Variants in RNF216 observed in about 807,000 individuals in gnomAD.
The protein encoded by RNF216 is ring finger protein 216.
In RNF216, 72 loss-of-function variants were observed where a neutral mutation model predicts 110.8. That is an observed-to-expected ratio of 0.65 (90% CI 0.54 to 0.79). The LOEUF is 0.79. Among genes scored for constraint, RNF216 ranks in the 30% least tolerant of loss-of-function variants. RNF216 has a pLI of 0.00. For synonymous variants in RNF216, 495 were observed against 407.5 expected, an observed-to-expected ratio of 1.21 and a Z score of -2.59; for missense variants, 1,342 against 1,141.2, an observed-to-expected ratio of 1.18 and a Z score of -2.54.
Position 5,620,227 on chromosome 7 carries a change from TCA to T in RNF216, c.*2631_*2632del, listed in dbSNP as rs1345123142. The T allele has an allele frequency of 2.0e-5, 3 of 152,260 alleles. No homozygotes were observed. The highest frequency in any genetic ancestry group is 1.9e-4 in the East Asian group (1 of 5,202). 9.4% of individuals were successfully genotyped at this position (152,260 alleles called of 1,614,324 possible). ...AAGTGACAGATCATGCACATTTTTT[TCA>T]GTTTTTAAATATTTTGCTAAGTGCA... is the stretch of plus-strand genomic sequence containing the variant. On this transcript the variant is annotated 3_prime_UTR_variant, in exon 17 of 17. Transcript: ENST00000389902.
chr7:5,735,960 G>A (rs1794371569), intron 5 of RNF216, among the ~76,000 whole-genome samples: 1 of 152,174 alleles, frequency 6.6e-6, no homozygotes, highest in South Asian at 2.1e-4. Flanking sequence ...AGACATGATG[G>A]CGCATGCCTG....
chr7:5,623,086 A>C lies in RNF216; in HGVS notation c.2546T>G (p.Leu849Arg), dbSNP rs1430421613. Residue 849 changes from leucine to arginine, a missense_variant, in exon 17 of 17, where the codon CTG becomes CGG. Coordinates refer to ENST00000389902, the MANE Select transcript of RNF216 (RefSeq NM_207111.4). ...EALPRPVPQN[L>R]PQPQMPPYAF... ...ATAGGGTGGCATCTGTGGCTGTGGC[A>C]GGTTCTGCGGAACGGGCCTCGGGAG... 6.2e-7 allele frequency: 1 copy of C among 1,612,174 alleles called. No homozygotes were observed.
chr7:5,731,678 C>G (rs1794099764), intron 5 of RNF216, among the ~76,000 whole-genome samples: 1 of 151,232 alleles, frequency 6.6e-6, no homozygotes, highest in Admixed American at 6.6e-5. Flanking sequence ...ATGGGGACTT[C>G]CCCTTTTCTC....
chr7:5,633,620 T>C lies in RNF216; in HGVS notation c.2382+7534A>G, dbSNP rs867608109. Among the ~76,000 whole-genome samples, 28 of 152,190 alleles carry C rather than the reference T, an allele frequency of 1.8e-4. No individual in the cohort carries two copies. In the South Asian group the frequency reaches 2.5e-3, roughly 14 times the overall value. On this transcript the variant is annotated intron_variant, in intron 15 of 16. Coordinates refer to ENST00000389902, the MANE Select transcript of RNF216 (RefSeq NM_207111.4). ...AAACAAAAACAAGGAAATAAGCGGA[T>C]TGCATTTTAACAGGGAGGGAGATTT...
At chr7:5,768,346 T>TACATACAC (rs71547789) in intron 1 of RNF216, among the ~76,000 whole-genome samples, 1 of 71,886 alleles carries the variant, frequency 1.4e-5, no homozygotes, top group Non-Finnish European at 2.7e-5. Flanking sequence ...GGCAGGCAAA[T>TACATACAC]ACACACACAC....
At chr7:5,654,400 T>C (rs1788599420) in intron 13 of RNF216, among the ~76,000 whole-genome samples, 1 of 151,930 alleles carries the variant, frequency 6.6e-6, no homozygotes, top group Non-Finnish European at 1.5e-5. Flanking sequence ...TCAATCAGGG[T>C]GGGCATGGTG....
At chr7:5,667,803 C>G (rs1308663797) in intron 13 of RNF216, among the ~76,000 whole-genome samples, 1 of 152,144 alleles carries the variant, frequency 6.6e-6, no homozygotes, top group Non-Finnish European at 1.5e-5. Context: ...GGACAAAGAC[C>G]ATCTTGACAC....
At chr7:5,736,650 G>A (rs1794427332) in intron 5 of RNF216, among the ~76,000 whole-genome samples, 1 of 151,350 alleles carries the variant, frequency 6.6e-6, no homozygotes, top group South Asian at 2.1e-4. Context: ...CCTCTTCCCG[G>A]CCACCATCCC....
At chr7:5,742,099 T>G (rs1281791223) in intron 3 of RNF216, among the ~76,000 whole-genome samples, 1 of 152,248 alleles carries the variant, frequency 6.6e-6, no homozygotes, top group African/African-American at 2.4e-5. Flanking sequence ...CAGGCTGGAG[T>G]GCAATGGTGC....
At chr7:5,695,046 A>G (rs1791542303) in intron 13 of RNF216, among the ~76,000 whole-genome samples, 1 of 152,188 alleles carries the variant, frequency 6.6e-6, no homozygotes, top group African/African-American at 2.4e-5. Flanking sequence ...TAATGGGCCA[A>G]TGGGGACACA....
At chr7:5,675,639 A>AAAAC (rs372675901) in intron 13 of RNF216, among the ~76,000 whole-genome samples, 7,177 of 151,650 alleles carry the variant, frequency 0.047, 251 homozygotes, top group East Asian at 0.16. Flanking sequence ...AGACCCTCTC[A>AAAAC]AAACAAACAA....
chr7:5,671,728 CT>C, intron 13 of RNF216, among the ~76,000 whole-genome samples: 1 of 142,150 alleles, frequency 7.0e-6, no homozygotes, highest in Non-Finnish European at 1.5e-5. Flanking sequence ...TCTCTTCAAA[CT>C]GGAAGGCGGA....
intron 13 of RNF216, among the ~76,000 whole-genome samples, chr7:5,707,247 T>C (rs1208298247): frequency 6.6e-6 from 1 of 152,220 alleles, no homozygotes; most frequent in Admixed American, 6.5e-5. Context: ...TTGGGATCCT[T>C]TGTGGTTCCA....
chr7:5,734,608 C>CTTTCCCAACTGTAAGG (rs201100224), intron 5 of RNF216, among the ~76,000 whole-genome samples: 1 of 136,944 alleles, frequency 7.3e-6, no homozygotes, highest in African/African-American at 3.3e-5. Flanking sequence ...AAATGGCTTT[C>CTTTCCCAACTGTAAGG]AAGGTTAAAT....
chr7:5,772,523 C>A (rs565387115), intron 1 of RNF216, among the ~76,000 whole-genome samples: 7 of 152,190 alleles, frequency 4.6e-5, no homozygotes, highest in African/African-American at 1.7e-4. Context: ...TCAATCCTTT[C>A]CTTCCTCTCT....
intron 13 of RNF216, among the ~76,000 whole-genome samples, chr7:5,667,276 G>C (rs923380114): frequency 1.3e-5 from 2 of 152,102 alleles, no homozygotes; most frequent in Admixed American, 6.5e-5. Context: ...ATTTATGTTT[G>C]GATGAAGCTT....
chr7:5,624,253 G>A lies in RNF216; in HGVS notation c.2383-128C>T, dbSNP rs1786571441. Reference sequence around the variant, plus strand: ...GCCCGAAGCCTGCTGCTGGCCAGTGGGGCCTGGGCTGCACACCGTTCCTTC... The same window carrying A: ...GCCCGAAGCCTGCTGCTGGCCAGTGAGGCCTGGGCTGCACACCGTTCCTTC... On this transcript the variant is annotated intron_variant, in intron 15 of 16. Coordinates refer to ENST00000389902, the MANE Select transcript of RNF216 (RefSeq NM_207111.4). The surrounding 1 kb of genome is among the most constrained non-coding windows in gnomAD (Gnocchi z 4.4). The A allele has an allele frequency of 2.8e-6, 2 of 713,922 alleles. No homozygotes were observed. The highest frequency in any genetic ancestry group is 3.5e-5 in the South Asian group (2 of 57,284). The allele number at this position is 713,922 out of a possible 1,614,324, so 44.2% of individuals were successfully genotyped here. A position where few individuals can be genotyped will look rare whatever the true frequency, so the allele number is the denominator to read the frequency against.
intron 3 of RNF216, among the ~76,000 whole-genome samples, chr7:5,751,231 A>G (rs188479834): frequency 6.6e-6 from 1 of 152,320 alleles, no homozygotes; most frequent in Admixed American, 6.5e-5. Context: ...CAGAACCTAT[A>G]AAGTATATGC....
At chr7:5,641,111 A>T in intron 15 of RNF216, 43 bp downstream of exon 15, 4 of 1,409,120 alleles carry the variant, frequency 2.8e-6, no homozygotes, top group Non-Finnish European at 4.0e-6. Context: ...ATATATTTCT[A>T]TTTTCTCCCT....
Sources: gnomAD v4.1 joint callset for allele counts (sites outside exome capture counted in the v4.1 genomes callset) on GRCh38, gnomAD v4.1.1 for gene constraint, Gnocchi (gnomAD v3.1) non-coding constraint, MANE v1.5 for transcripts, NCBI Gene and HGNC (gene_info 2026-07-23, HGNC 2026-07-21) for gene names.